The following KTN1 variants were observed in gnomAD, a reference collection of about 807,000 sequenced individuals.
KTN1 encodes the protein kinectin.
KTN1 carries 130 observed loss-of-function variants against 222.5 expected under a neutral mutation model. The ratio of observed to expected loss-of-function variants is 0.58; its 90% CI spans 0.51 to 0.68. KTN1 has a LOEUF of 0.68. Ranked by LOEUF, KTN1 falls within the 30% of genes least tolerant of loss-of-function variation. The probability of loss-of-function intolerance (pLI) is 0.00; values close to 1 mark genes in which losing one functional copy is unlikely to be tolerated. For missense variants in KTN1, 1,508 were observed against 1,500.4 expected, an observed-to-expected ratio of 1.01 and a Z score of -0.08; for synonymous variants, 512 against 496.3, an observed-to-expected ratio of 1.03 and a Z score of -0.42.
chr14:55,632,439 A>G (rs749222546), intron 7 of KTN1, among the ~76,000 whole-genome samples: 5 of 152,232 alleles, frequency 3.3e-5, no homozygotes, highest in Admixed American at 6.5e-5. Flanking sequence ...TTATGAGAAT[A>G]TAAGAGTCAG....
chr14:55,590,516 C>T (rs2033914221), intron 1 of KTN1, among the ~76,000 whole-genome samples: 1 of 152,136 alleles, frequency 6.6e-6, no homozygotes, highest in Non-Finnish European at 1.5e-5. Flanking sequence ...CCTTCCCACA[C>T]TCTAACCACT....
At chr14:55,654,008 C>G (rs1448638640) in intron 28 of KTN1, among the ~76,000 whole-genome samples, 3 of 151,898 alleles carry the variant, frequency 2.0e-5, no homozygotes, top group Non-Finnish European at 4.4e-5. Context: ...AATTTTAAAC[C>G]TTTCTGTAAT....
rs2038615454 is a variant in KTN1 at position 55,617,906 on chromosome 14, G to A, written c.662-58G>A. ...ATTTATCATTAAATTATGCTTGCAT[G>A]TCATTTACTCTGTTTTGTAAAAATT... On this transcript the variant is annotated intron_variant, in intron 3 of 43. Coordinates refer to ENST00000395314, the MANE Select transcript of KTN1 (RefSeq NM_001079521.2). 6 of 1,219,540 alleles carry A rather than the reference G, an allele frequency of 4.9e-6. No homozygotes were observed. The South Asian group carries it at 8.2e-5, about 17-fold the overall frequency. The allele number at this position is 1,219,540 out of a possible 1,614,324, so 75.5% of individuals were successfully genotyped here. A position where few individuals can be genotyped will look rare whatever the true frequency, so the allele number is the denominator to read the frequency against.
chr14:55,595,929 C>T (rs952271820), intron 1 of KTN1, among the ~76,000 whole-genome samples: 1 of 151,784 alleles, frequency 6.6e-6, no homozygotes, highest in East Asian at 1.9e-4. Context: ...CCGAGGTGGG[C>T]GGATCATGAG....
Position 55,678,345 on chromosome 14 carries a change from C to T in KTN1, c.3856-7C>T, listed in dbSNP as rs2046061301. On this transcript the variant is annotated splice_region_variant and splice_polypyrimidine_tract_variant and intron_variant, in intron 41 of 43. Transcript: ENST00000395314. ...ACTTAGTAGCTACCATATTGTTTTC[C>T]TTATAGGCTCAACAGTCACTGGAGC... 3 of 1,565,996 alleles carry T rather than the reference C, an allele frequency of 1.9e-6. No homozygotes were observed. In the African/African-American group the frequency reaches 4.1e-5, roughly 21 times the overall value.
At chr14:55,634,746 A>T in intron 9 of KTN1, 88 bp downstream of exon 9, 1 of 1,130,174 alleles carries the variant, frequency 8.8e-7, no homozygotes, top group South Asian at 2.0e-5. Context: ...ACTGCCCGAG[A>T]CTGGGTAAAT....
chr14:55,646,654 A>G (rs1295919330), intron 18 of KTN1, among the ~76,000 whole-genome samples: 1 of 150,764 alleles, frequency 6.6e-6, no homozygotes, highest in Non-Finnish European at 1.5e-5. Context: ...TATTTGAAGA[A>G]TTGAATTAAT....
Position 55,679,563 on chromosome 14 carries a change from A to G in KTN1, c.3949-2A>G. 1 of 1,602,962 alleles carries G rather than the reference A, an allele frequency of 6.2e-7. No individual in the cohort carries two copies. The highest frequency in any genetic ancestry group is 8.5e-7 in the Non-Finnish European group (1 of 1,173,398). On this transcript the variant is annotated splice_acceptor_variant, in intron 42 of 43. Transcript: ENST00000395314. LOFTEE classifies it high-confidence loss of function. Reference sequence around the variant, plus strand: ...TTATCATCACTTCCATCTTCTTTTTAGGAGTCTTCTGAGAAGGAGACAATG... The same window carrying G: ...TTATCATCACTTCCATCTTCTTTTTGGGAGTCTTCTGAGAAGGAGACAATG...
chr14:55,595,557 C>G (rs945272883), intron 1 of KTN1, among the ~76,000 whole-genome samples: 36 of 152,168 alleles, frequency 2.4e-4, no homozygotes, highest in Admixed American at 3.9e-4. Context: ...TGTAAACTGG[C>G]AAGATTATCT....
intron 12 of KTN1, among the ~76,000 whole-genome samples, chr14:55,638,579 T>C (rs1293354775): frequency 6.6e-6 from 1 of 151,834 alleles, no homozygotes; most frequent in Non-Finnish European, 1.5e-5. Flanking sequence ...AATATATTTT[T>C]CCCAGTTGCT....
At chr14:55,611,249 G>C (rs1264499064) in intron 1 of KTN1, among the ~76,000 whole-genome samples, 1 of 149,286 alleles carries the variant, frequency 6.7e-6, no homozygotes, top group East Asian at 1.9e-4. Flanking sequence ...ACTACGCCCA[G>C]CTAATTTTCT....
intron 39 of KTN1, 47 bp downstream of exon 39, chr14:55,673,059 A>G (rs1324458167): frequency 6.6e-7 from 1 of 1,524,456 alleles, no homozygotes; most frequent in Middle Eastern, 1.7e-4. Context: ...ATTCAGATTA[A>G]GTTTATAACA....
At chr14:55,583,815 A>G (rs2032304263) in intron 1 of KTN1, among the ~76,000 whole-genome samples, 1 of 152,082 alleles carries the variant, frequency 6.6e-6, no homozygotes, top group African/African-American at 2.4e-5. Flanking sequence ...AAATTTCCGT[A>G]TTTTTCCTCA....
In KTN1 at chr14:55,612,503, C is replaced by A. The variant is rs2037733921; in HGVS notation, c.455C>A (p.Pro152His). 1 of 1,612,408 alleles carries A rather than the reference C, an allele frequency of 6.2e-7. No individual in the cohort carries two copies. The highest frequency in any genetic ancestry group is 1.3e-5 in the African/African-American group (1 of 74,718). Reference protein sequence around the residue: ...KVEPVPVTKQPTPPSEAAASK... With the variant: ...KVEPVPVTKQHTPPSEAAASK... The stretch of plus-strand genomic sequence containing the variant: ...GAACCTGTCCCAGTTACTAAACAGC[C>A]CACCCCTCCCTCTGAAGCAGCTGCC... The change falls in exon 2 of 44, where the codon CCC (proline) becomes CAC (histidine). Residue 152 changes from proline (P) to histidine (H), a missense_variant. By Grantham distance (77) the Pro-to-His change is moderately conservative (BLOSUM62 -2). Coordinates refer to ENST00000395314, the MANE Select transcript of KTN1 (RefSeq NM_001079521.2).
rs1414633156 is a variant in KTN1 at position 55,652,944 on chromosome 14, A to G, written c.2694+4A>G. On this transcript the variant is annotated splice_donor_region_variant and intron_variant, in intron 26 of 43. Coordinates refer to ENST00000395314, the MANE Select transcript of KTN1 (RefSeq NM_001079521.2). ...CAATACAGGGAAGTGGTTACAGGTG[A>G]GAAATTAAAAACAATAAAAAATAGC... The G allele has an allele frequency of 3.7e-6, 6 of 1,604,688 alleles. No individual in the cohort carries two copies. In the East Asian group the frequency reaches 8.9e-5, roughly 24 times the overall value.
intron 1 of KTN1, among the ~76,000 whole-genome samples, chr14:55,598,361 G>C (rs1010975523): frequency 6.7e-6 from 1 of 150,354 alleles, no homozygotes; most frequent in Non-Finnish European, 1.5e-5. Flanking sequence ...CGGGAGCCCA[G>C]GAGGCGGAGC....
chr14:55,642,413 A>G (rs2041891747), intron 18 of KTN1, among the ~76,000 whole-genome samples: 1 of 152,184 alleles, frequency 6.6e-6, no homozygotes, highest in African/African-American at 2.4e-5. Flanking sequence ...TTGAATAAGC[A>G]TGGTTCCATA....
At chr14:55,671,987 C>G (rs1224785644) in intron 37 of KTN1, 110 bp downstream of exon 37, 1 of 674,938 alleles carries the variant, frequency 1.5e-6, no homozygotes, top group Non-Finnish European at 2.6e-6. Flanking sequence ...CTACCAAATC[C>G]AAAACATGTA....
chr14:55,629,274 C>T (rs576688693), intron 6 of KTN1, among the ~76,000 whole-genome samples: 18 of 151,964 alleles, frequency 1.2e-4, no homozygotes, highest in Non-Finnish European at 1.8e-4. Context: ...AAAAATTAGC[C>T]GGGCATGGTG....
Sources: gnomAD v4.1 joint callset for allele counts (sites outside exome capture counted in the v4.1 genomes callset) on GRCh38, gnomAD v4.1.1 for gene constraint, MANE v1.5 for transcripts, NCBI Gene and HGNC (gene_info 2026-07-23, HGNC 2026-07-21) for gene names.